Variants in SPMIP7 observed in about 807,000 individuals in gnomAD.
The protein encoded by SPMIP7 is sperm microtubule inner protein 7.
At chr7:50,096,728 A>G in the SPMIP7 span, 1 of 995,754 alleles carries the variant, frequency 1.0e-6, no homozygotes, top group Non-Finnish European at 1.4e-6. Flanking sequence ...AGTTAAATTA[A>G]CAAAATTACA....
At chr7:50,139,474 A>C in the SPMIP7 span, among the ~76,000 whole-genome samples, 12 of 152,290 alleles carry the variant, frequency 7.9e-5, no homozygotes, top group African/African-American at 2.6e-4. Flanking sequence ...TGTGAATGTT[A>C]GTTCTAAAAC....
At chr7:50,137,660 C>T in the SPMIP7 span, among the ~76,000 whole-genome samples, 2 of 152,074 alleles carry the variant, frequency 1.3e-5, no homozygotes, top group Admixed American at 1.3e-4. Context: ...TACTGCACAT[C>T]ACAGCCAGTG....
chr7:50,112,481 T>C, the SPMIP7 span, among the ~76,000 whole-genome samples: 1 of 150,736 alleles, frequency 6.6e-6, no homozygotes, highest in African/African-American at 2.4e-5. Context: ...AGCTACAAAA[T>C]GAACAGCAAA....
the SPMIP7 span, among the ~76,000 whole-genome samples, chr7:50,126,748 A>G: frequency 6.6e-6 from 1 of 152,096 alleles, no homozygotes; most frequent in Non-Finnish European, 1.5e-5. Flanking sequence ...GTAATTTAAC[A>G]TACTAATGGA....
chr7:50,151,895 C>T, the SPMIP7 span, among the ~76,000 whole-genome samples: 1 of 152,204 alleles, frequency 6.6e-6, no homozygotes, highest in Non-Finnish European at 1.5e-5. Flanking sequence ...AGACTCACAG[C>T]TGTGCACACA....
chr7:50,106,389 C>T, the SPMIP7 span, among the ~76,000 whole-genome samples: 1 of 152,140 alleles, frequency 6.6e-6, no homozygotes, highest in East Asian at 1.9e-4. Context: ...GAGGCCTGAA[C>T]CCTCCAAGTA....
At chr7:50,125,349 CACACATATATAT>C in the SPMIP7 span, among the ~76,000 whole-genome samples, 3 of 143,624 alleles carry the variant, frequency 2.1e-5, no homozygotes, top group Non-Finnish European at 3.0e-5. Flanking sequence ...CATATATATA[CACACATATATAT>C]ACACATATAT....
chr7:50,101,322 T>A, the SPMIP7 span, among the ~76,000 whole-genome samples: 2 of 152,176 alleles, frequency 1.3e-5, no homozygotes, highest in Non-Finnish European at 1.5e-5. Context: ...CAGAAACAAA[T>A]ACAAGACACT....
the SPMIP7 span, among the ~76,000 whole-genome samples, chr7:50,130,464 A>G: frequency 6.6e-6 from 1 of 152,248 alleles, no homozygotes; most frequent in South Asian, 2.1e-4. Flanking sequence ...TGCCCCCATG[A>G]TTCAATTATC....
chr7:50,104,314 G>A, the SPMIP7 span: 6 of 1,490,622 alleles, frequency 4.0e-6, no homozygotes, highest in Non-Finnish European at 5.4e-6. Context: ...GTGTTTTCAG[G>A]TTGGACAAGC....
chr7:50,146,078 T>C, the SPMIP7 span, among the ~76,000 whole-genome samples: 2 of 152,204 alleles, frequency 1.3e-5, no homozygotes, highest in African/African-American at 4.8e-5. Context: ...AACAAAATTT[T>C]ACCACAACCC....
the SPMIP7 span, among the ~76,000 whole-genome samples, chr7:50,156,318 A>G: frequency 6.6e-6 from 1 of 151,400 alleles, no homozygotes; most frequent in African/African-American, 2.5e-5. Context: ...ATGAGAACAT[A>G]GTGAGCTAAC....
the SPMIP7 span, chr7:50,134,007 C>T: frequency 9.4e-7 from 1 of 1,069,366 alleles, no homozygotes; most frequent in Non-Finnish European, 1.3e-6. Flanking sequence ...CAGGGATCCT[C>T]AGGGTCATCT....
chr7:50,145,657 T>TAC, the SPMIP7 span, among the ~76,000 whole-genome samples: 96 of 114,972 alleles, frequency 8.3e-4, no homozygotes, highest in African/African-American at 3.0e-3. Flanking sequence ...TATATATATA[T>TAC]ATACATCTTA....
the SPMIP7 span, among the ~76,000 whole-genome samples, chr7:50,137,124 C>T: frequency 6.6e-6 from 1 of 151,946 alleles, no homozygotes; most frequent in Non-Finnish European, 1.5e-5. Context: ...TCTATAAACC[C>T]AGTATTAGTG....
At chr7:50,132,261 T>G in the SPMIP7 span, among the ~76,000 whole-genome samples, 3 of 152,116 alleles carry the variant, frequency 2.0e-5, no homozygotes, top group African/African-American at 7.2e-5. Flanking sequence ...CTCCATTCTT[T>G]TTCACCTCAA....
the SPMIP7 span, chr7:50,158,981 A>G: frequency 6.7e-7 from 1 of 1,496,094 alleles, no homozygotes; most frequent in Non-Finnish European, 9.1e-7. Context: ...TAGTTGGATG[A>G]GGTTGTGTAT....
At chr7:50,151,269 C>T in the SPMIP7 span, among the ~76,000 whole-genome samples, 10 of 152,272 alleles carry the variant, frequency 6.6e-5, no homozygotes, top group East Asian at 3.9e-4. Flanking sequence ...TGCATCAGCA[C>T]GCCCCAGGCC....
chr7:50,124,386 G>A, the SPMIP7 span, among the ~76,000 whole-genome samples: 4 of 152,048 alleles, frequency 2.6e-5, no homozygotes, highest in Admixed American at 6.5e-5. Context: ...ATCACCTTCA[G>A]GTAGTTGATA....
Sources: allele counts gnomAD v4.1 joint callset (sites outside exome capture counted in the v4.1 genomes callset), GRCh38; gene constraint gnomAD v4.1.1; transcripts MANE v1.5; gene names NCBI Gene and HGNC (gene_info 2026-07-23, HGNC 2026-07-21).